SPATA21: variants seen among roughly 807,000 people sequenced by gnomAD.
SPATA21 encodes the protein spermatogenesis-associated protein 21.
SPATA21 carries 47 observed loss-of-function variants against 54.8 expected under a neutral mutation model. The ratio of observed to expected loss-of-function variants is 0.86; its 90% confidence interval spans 0.68 to 1.09. The LOEUF (loss-of-function observed/expected upper bound fraction) is 1.09, where lower values mean the gene tolerates loss of function less well. Ranked by LOEUF, SPATA21 falls within the 50% of genes least tolerant of loss-of-function variation. The pLI is 0.00. For synonymous variants in SPATA21, 245 were observed against 235.3 expected (o/e 1.04, Z -0.38); for missense variants, 599 against 596.4 (o/e 1.00, Z -0.05).
rs192608218 is a variant in SPATA21, at chr1:16,406,781, A to G, written c.674-1677T>C. Among the ~76,000 whole-genome samples, 1,044 of 152,246 alleles carry G rather than the reference A, an allele frequency of 6.9e-3. 11 individuals carry two copies. Among genetic ancestry groups the G allele is most frequent in the African/African-American group, 0.024 (1,006 of 41,546 alleles). ...ATAATAAACGCAAATTTGGACACAC[A>G]CAGAGATACCAGGGTTGCCCATTCA... is the stretch of plus-strand genomic sequence containing the variant. On this transcript the variant is annotated intron_variant, in intron 7 of 12. Coordinates refer to ENST00000335496, the MANE Select transcript of SPATA21 (RefSeq NM_198546.1).
chr1:16,416,879 C>T (rs1412737145), intron 5 of SPATA21, among the ~76,000 whole-genome samples: 1 of 152,182 alleles, frequency 6.6e-6, no homozygotes, highest in Non-Finnish European at 1.5e-5. Context: ...GCAAGTGCGG[C>T]ACACGCAGAC....
chr1:16,421,448 C>T lies in SPATA21; in HGVS notation c.144+61G>A. The T allele has an allele frequency of 2.0e-6, 3 of 1,502,664 alleles. No individual in the cohort carries two copies. The South Asian group carries it at 3.7e-5, about 19-fold the overall frequency. 93.1% of individuals were successfully genotyped at this position (1,502,664 alleles called of 1,614,324 possible). A position where few individuals can be genotyped will look rare whatever the true frequency, so the allele number is the denominator to read the frequency against. The stretch of plus-strand genomic sequence containing the variant: ...ATCCGCTTCTGCCCTCTTCCTCCTC[C>T]TGATCCCCCCTGCCTTTCTCCTACA... On this transcript the variant is annotated intron_variant, in intron 5 of 12. Coordinates refer to ENST00000335496, the MANE Select transcript of SPATA21 (RefSeq NM_198546.1). This position sits in a 1 kb window ranked among gnomAD's most constrained non-coding sequence, Gnocchi z 5.2.
Position 16,409,055 on chromosome 1 carries a change from A to AT in SPATA21, c.673+62dup. 1 of 1,576,656 alleles carries AT rather than the reference A, an allele frequency of 6.3e-7. No individual in the cohort carries two copies. Among genetic ancestry groups the AT allele is most frequent in the Non-Finnish European group, 8.7e-7 (1 of 1,147,286 alleles). On this transcript the variant is annotated intron_variant, in intron 7 of 12. Coordinates refer to ENST00000335496, the MANE Select transcript of SPATA21 (RefSeq NM_198546.1). This position sits in a 1 kb window ranked among gnomAD's most constrained non-coding sequence, Gnocchi z 4.1. ...AAGCACCCCAGTCCGCCCTGCGCCT[A>AT]TAAACCCCCAAGGACCAAGGGTCCT...
intron 12 of SPATA21, 95 bp from the exon 13 acceptor site, chr1:16,398,917 G>A (rs1305962841): frequency 1.5e-6 from 2 of 1,292,612 alleles, no homozygotes; most frequent in African/African-American, 3.0e-5. Flanking sequence ...AGTGAGGAGA[G>A]AGAGGAGGCC....
At chr1:16,408,352 A>C in intron 7 of SPATA21, 1 of 450,842 alleles carries the variant, frequency 2.2e-6, no homozygotes, top group South Asian at 9.4e-5. Context: ...GGAATGGGGT[A>C]CATGTTTAGG....
At chr1:16,403,545 G>A (rs2085524951) in intron 10 of SPATA21, among the ~76,000 whole-genome samples, 182 bp downstream of exon 10, 3 of 141,350 alleles carry the variant, frequency 2.1e-5, no homozygotes, top group Admixed American at 1.5e-4. Flanking sequence ...CTGGAGTGCA[G>A]TGGCTCAATC....
chr1:16,429,680 G>A (rs1269354121), intron 3 of SPATA21, among the ~76,000 whole-genome samples: 1 of 148,760 alleles, frequency 6.7e-6, no homozygotes, highest in East Asian at 2.1e-4. Flanking sequence ...CTCCATGTTG[G>A]TCAGGCTGGT....
chr1:16,409,458 G>A lies in SPATA21; in HGVS notation c.587+143C>T, dbSNP rs543264491. 1.1e-4 allele frequency: 105 copies of A among 944,490 alleles called. No homozygotes were observed. In the Admixed American group the frequency reaches 2.4e-3, roughly 22 times the overall value. The allele number at this position is 944,490 out of a possible 1,614,324, so 58.5% of individuals were successfully genotyped here. A position where few individuals can be genotyped will look rare whatever the true frequency, so the allele number is the denominator to read the frequency against. On this transcript the variant is annotated intron_variant, in intron 6 of 12. Transcript: ENST00000335496. This position sits in a 1 kb window ranked among gnomAD's most constrained non-coding sequence, Gnocchi z 4.1. The stretch of plus-strand genomic sequence containing the variant: ...GAGGAGGCAGAGACATGGGAGATGC[G>A]GAGAGGAGACACATGAGGAGAAATG...
intron 5 of SPATA21, among the ~76,000 whole-genome samples, chr1:16,419,896 C>A (rs1240407639): frequency 1.3e-5 from 2 of 152,062 alleles, no homozygotes. Flanking sequence ...GCTGAGATTG[C>A]GCCACTGCAC....
chr1:16,425,461 G>T (rs1004319443), intron 3 of SPATA21: 2 of 1,484,034 alleles, frequency 1.3e-6, no homozygotes, highest in African/African-American at 2.8e-5. Context: ...ATAGGAGGGG[G>T]GCTCTTTCAC....
At chr1:16,410,190 C>A in intron 5 of SPATA21, 147 bp from the exon 6 acceptor site, 1 of 639,352 alleles carries the variant, frequency 1.6e-6, no homozygotes. Flanking sequence ...TCACATGCAC[C>A]CCACTGTGCT....
rs2085418418 is a variant in SPATA21 at position 16,400,725 on chromosome 1, T to A, written c.1169A>T (p.Asn390Ile). Residue 390 changes from asparagine to isoleucine, a missense_variant, in exon 11 of 13, where the codon AAC becomes ATC. Coordinates refer to ENST00000335496, the MANE Select transcript of SPATA21 (RefSeq NM_198546.1). ...ACCCTGCCCAGGGCCCTCACCATAG[T>A]TCTGCTGCTTCAGCCGGCTCAGGAT... Reference protein sequence around the residue: ...LSILSRLKQQNYAPNLQSPYA... With the variant: ...LSILSRLKQQIYAPNLQSPYA... The A allele has an allele frequency of 1.2e-6, 2 of 1,611,242 alleles. No homozygotes were observed. The highest frequency in any genetic ancestry group is 4.5e-5 in the East Asian group (2 of 44,690).
chr1:16,395,797 A>T (rs577706044), downstream of SPATA21: 2 of 154,750 alleles, frequency 1.3e-5, no homozygotes, highest in African/African-American at 4.8e-5. Flanking sequence ...TAGCTTCTGT[A>T]TTCCTACTGC....
intron 12 of SPATA21, among the ~76,000 whole-genome samples, 157 bp from the exon 13 acceptor site, chr1:16,398,979 G>A (rs975224645): frequency 6.6e-6 from 1 of 152,164 alleles, no homozygotes; most frequent in Admixed American, 6.5e-5. Flanking sequence ...CTGATTCCAA[G>A]TCCAGAGCTC....
intron 3 of SPATA21, among the ~76,000 whole-genome samples, chr1:16,423,580 G>A (rs1373683051): frequency 9.3e-6 from 1 of 107,380 alleles, no homozygotes; most frequent in Non-Finnish European, 1.7e-5. Context: ...GTCTCACTCT[G>A]TTCTCCAGGC....
chr1:16,404,724 TGCTTGAGCCTAGGA>T (rs2085572510), intron 8 of SPATA21, among the ~76,000 whole-genome samples: 1 of 152,114 alleles, frequency 6.6e-6, no homozygotes, highest in African/African-American at 2.4e-5. Flanking sequence ...GTGGCAGGAT[TGCTTGAGCCTAGGA>T]GGTCGAGGCT....
Position 16,400,835 on chromosome 1 carries a change from G to T in SPATA21, c.1059C>A (p.Ala353=), listed in dbSNP as rs561458197. ...GTCKAQEMEA[A]VGRLRLQKLP... ...GCTTCTGCAACCGCAGCCGGCCTAC[G>T]GCCGCTTCCATCTCCTGGGCCTTGC... Residue 353 remains alanine (A), a synonymous_variant, in exon 11 of 13, where the codon GCC becomes GCA. Coordinates refer to ENST00000335496, the MANE Select transcript of SPATA21 (RefSeq NM_198546.1). 4 of 1,614,076 alleles carry T rather than the reference G, an allele frequency of 2.5e-6. No individual in the cohort carries two copies. Among genetic ancestry groups the T allele is most frequent in the African/African-American group, 1.3e-5 (1 of 74,916 alleles).
chr1:16,403,073 C>G (rs923035764), intron 10 of SPATA21, among the ~76,000 whole-genome samples: 8 of 152,190 alleles, frequency 5.3e-5, no homozygotes, highest in African/African-American at 1.9e-4. Context: ...TTCGCCTTTG[C>G]TTCTAGCCCT....
intron 1 of SPATA21, among the ~76,000 whole-genome samples, chr1:16,433,828 C>G (rs556490691): frequency 1.5e-4 from 23 of 152,152 alleles, no homozygotes; most frequent in Non-Finnish European, 3.1e-4. Flanking sequence ...CACTTGGGAC[C>G]CTTTTTTGTT....
Sources: gnomAD v4.1 joint callset for allele counts (sites outside exome capture counted in the v4.1 genomes callset) on GRCh38, gnomAD v4.1.1 for gene constraint, Gnocchi (gnomAD v3.1) non-coding constraint, MANE v1.5 for transcripts, NCBI Gene and HGNC (gene_info 2026-07-23, HGNC 2026-07-21) for gene names.